Variants in HAT1 observed in about 807,000 individuals in gnomAD.
The protein encoded by HAT1 is histone acetyltransferase 1, also known as histone acetyltransferase type B catalytic subunit.
HAT1 carries 20 observed loss-of-function variants against 56.6 expected under a neutral mutation model. That is an observed-to-expected ratio of 0.35 (90% CI 0.25 to 0.51). The LOEUF is 0.51. Among genes scored for constraint, HAT1 ranks in the 20% least tolerant of loss-of-function variants. HAT1 has a pLI of 0.95. For missense variants in HAT1, 408 were observed against 504.3 expected, an observed-to-expected ratio of 0.81 and a Z score of 1.83; for synonymous variants, 146 against 165.5, an observed-to-expected ratio of 0.88 and a Z score of 0.91.
chr2:171,973,206 C>A (rs537303077), intron 8 of HAT1, among the ~76,000 whole-genome samples: 1 of 152,244 alleles, frequency 6.6e-6, no homozygotes, highest in African/African-American at 2.4e-5. Context: ...TATTGTACTG[C>A]CTTGCTTAGC....
At position 171,983,276 on chromosome 2, in the gene HAT1, ATG is replaced by A; in HGVS notation, c.1185_1186del (p.His395GlnfsTer19). 1 of 1,603,944 alleles carries A rather than the reference ATG, an allele frequency of 6.2e-7. No homozygotes were observed. ...AACCAAATAGAAATAAGCATGCAAC[ATG>A]AACAGCTGGAAGAGAGTTTTCAGGA... is the stretch of plus-strand genomic sequence containing the variant. On this transcript the variant is annotated frameshift_variant, in exon 11 of 11. Coordinates refer to ENST00000264108, the MANE Select transcript of HAT1 (RefSeq NM_003642.4). LOFTEE classifies it high-confidence loss of function.
At chr2:171,981,950 A>T (rs1483652797) in intron 10 of HAT1, among the ~76,000 whole-genome samples, 1 of 152,144 alleles carries the variant, frequency 6.6e-6, no homozygotes, top group Non-Finnish European at 1.5e-5. Context: ...GCAACATTTA[A>T]GAGTTATTAA....
intron 9 of HAT1, among the ~76,000 whole-genome samples, chr2:171,977,120 C>T (rs1461475153): frequency 6.6e-6 from 1 of 151,310 alleles, no homozygotes; most frequent in Non-Finnish European, 1.5e-5. Context: ...TTGCAGTGAG[C>T]TGAGATGGTG....
At chr2:171,948,335 C>G (rs1687222168) in intron 3 of HAT1, among the ~76,000 whole-genome samples, 1 of 152,192 alleles carries the variant, frequency 6.6e-6, no homozygotes, top group African/African-American at 2.4e-5. Context: ...GATGATTCTT[C>G]TGCCTCAGCC....
At chr2:171,966,023 A>G in intron 6 of HAT1, 115 bp downstream of exon 6, 2 of 955,376 alleles carry the variant, frequency 2.1e-6, no homozygotes, top group Non-Finnish European at 3.1e-6. Flanking sequence ...GGAAAGAAAA[A>G]CTATTGTTTA....
chr2:171,939,874 C>T (rs1256097231), intron 2 of HAT1, among the ~76,000 whole-genome samples: 4 of 151,802 alleles, frequency 2.6e-5, no homozygotes, highest in South Asian at 2.1e-4. Flanking sequence ...TCATTGTAGC[C>T]TCAACTTCCT....
chr2:171,937,660 T>C lies in HAT1; in HGVS notation c.113-9048T>C, dbSNP rs187485777. ...AAAAGAGTTTAATAACATCTACTGTTATGGAGTTCAAGGAGAGTGAAGAAA... is the reference window on the plus strand; with the variant it reads ...AAAAGAGTTTAATAACATCTACTGTCATGGAGTTCAAGGAGAGTGAAGAAA... On this transcript the variant is annotated intron_variant, in intron 2 of 10. Coordinates refer to ENST00000264108, the MANE Select transcript of HAT1 (RefSeq NM_003642.4). Among the ~76,000 whole-genome samples the C allele has an allele frequency of 5.9e-5, 9 of 152,278 alleles. No homozygotes were observed. The East Asian group carries it at 1.7e-3, about 29-fold the overall frequency.
chr2:171,976,655 G>A (rs1687973546), intron 9 of HAT1, among the ~76,000 whole-genome samples: 1 of 152,002 alleles, frequency 6.6e-6, no homozygotes, highest in African/African-American at 2.4e-5. Flanking sequence ...ATTATTGGTG[G>A]GAAGAATGGT....
chr2:171,933,279 G>A (rs1297203032), intron 2 of HAT1, among the ~76,000 whole-genome samples: 3 of 151,974 alleles, frequency 2.0e-5, no homozygotes, highest in African/African-American at 7.3e-5. Flanking sequence ...GGGTGGTCTC[G>A]AACTCCTGGG....
At chr2:171,956,365 C>T (rs554620012) in intron 4 of HAT1, among the ~76,000 whole-genome samples, 43 of 151,856 alleles carry the variant, frequency 2.8e-4, no homozygotes, top group Middle Eastern at 3.4e-3. Context: ...GACACACACA[C>T]GCTGGGTGTG....
At chr2:171,961,228 C>G (rs1030720367) in intron 4 of HAT1, among the ~76,000 whole-genome samples, 3 of 152,038 alleles carry the variant, frequency 2.0e-5, no homozygotes, top group Admixed American at 6.6e-5. Context: ...TCTCTTGAGC[C>G]CAGGAGGTCA....
At chr2:171,927,140 A>G (rs544108545) in intron 2 of HAT1, among the ~76,000 whole-genome samples, 1 of 152,344 alleles carries the variant, frequency 6.6e-6, no homozygotes, top group East Asian at 1.9e-4. Context: ...GCGCAGAGTA[A>G]CTACAAATGG....
chr2:171,968,240 A>G (rs924572978), intron 8 of HAT1, among the ~76,000 whole-genome samples: 4 of 152,182 alleles, frequency 2.6e-5, no homozygotes, highest in Non-Finnish European at 5.9e-5. Context: ...AGTGACTTAT[A>G]AAATTGTAGA....
chr2:171,930,042 A>G (rs2105964767), intron 2 of HAT1, among the ~76,000 whole-genome samples: 1 of 152,346 alleles, frequency 6.6e-6, no homozygotes, highest in Admixed American at 6.5e-5. Context: ...CTTCCAGTAT[A>G]TGAACATGAT....
chr2:171,964,004 T>G (rs1451332371), intron 4 of HAT1, among the ~76,000 whole-genome samples: 7 of 152,190 alleles, frequency 4.6e-5, no homozygotes. Context: ...TATATAAATG[T>G]TGGTGGTACC....
At chr2:171,976,835 G>T (rs1687978347) in intron 9 of HAT1, among the ~76,000 whole-genome samples, 1 of 152,164 alleles carries the variant, frequency 6.6e-6, no homozygotes, top group South Asian at 2.1e-4. Context: ...AGAAAGGATG[G>T]CATTTGATAT....
chr2:171,982,421 C>T (rs1366290047), intron 10 of HAT1, among the ~76,000 whole-genome samples: 4 of 152,164 alleles, frequency 2.6e-5, no homozygotes, highest in Non-Finnish European at 2.9e-5. Context: ...CTAAATCTGC[C>T]CTGTCCTCTC....
intron 9 of HAT1, among the ~76,000 whole-genome samples, chr2:171,976,747 C>G (rs1023351439): frequency 6.6e-6 from 1 of 151,810 alleles, no homozygotes. Flanking sequence ...AAGATAGGTA[C>G]AGAAAAAATA....
intron 4 of HAT1, among the ~76,000 whole-genome samples, chr2:171,954,691 A>AAG (rs1382087836): frequency 6.6e-6 from 1 of 152,174 alleles, no homozygotes; most frequent in Admixed American, 6.5e-5. Flanking sequence ...ATCTCAAAAA[A>AAG]AGAGAGAGAG....
Sources: gnomAD v4.1 joint callset for allele counts (sites outside exome capture counted in the v4.1 genomes callset) on GRCh38, gnomAD v4.1.1 for gene constraint, MANE v1.5 for transcripts, NCBI Gene and HGNC (gene_info 2026-07-23, HGNC 2026-07-21) for gene names.